Variants in FOXP1 observed in about 807,000 individuals in gnomAD.
FOXP1 encodes the protein forkhead box P1.
Under a neutral mutation model 98.2 loss-of-function variants are expected in FOXP1, and 15 were observed. That is an observed-to-expected ratio of 0.15 (90% CI 0.10 to 0.24). FOXP1 has a LOEUF of 0.24. Ranked by LOEUF, FOXP1 falls within the 10% of genes least tolerant of loss-of-function variation. The probability of loss-of-function intolerance (pLI) is 1.00; values close to 1 mark genes in which losing one functional copy is unlikely to be tolerated. For missense variants in FOXP1, 633 were observed against 848.5 expected (o/e 0.75, Z 3.15); for synonymous variants, 371 against 314.5 (o/e 1.18, Z -1.90).
At chr3:71,385,880 C>T (rs531085741) in intron 3 of FOXP1, among the ~76,000 whole-genome samples, 1 of 152,308 alleles carries the variant, frequency 6.6e-6, no homozygotes. Context: ...ATCCACATCT[C>T]CAGCCCTGAC....
intron 3 of FOXP1, among the ~76,000 whole-genome samples, chr3:71,411,708 G>A (rs976306874): frequency 2.6e-5 from 4 of 152,190 alleles, no homozygotes; most frequent in Admixed American, 1.3e-4. Flanking sequence ...CATCAAGAGC[G>A]GTCTCAGTTA....
At chr3:71,159,288 G>C (rs2061015479) in intron 6 of FOXP1, among the ~76,000 whole-genome samples, 1 of 152,044 alleles carries the variant, frequency 6.6e-6, no homozygotes, top group African/African-American at 2.4e-5. Flanking sequence ...TAAGAGGATG[G>C]AAAATGGAGC....
rs113877480 is a variant in FOXP1 at position 71,495,904 on chromosome 3, G to A, written c.-297-2349C>T. Among the ~76,000 whole-genome samples the A allele has an allele frequency of 8.2e-3, 1,245 of 152,280 alleles. 18 individuals are homozygous for A. Among genetic ancestry groups the A allele is most frequent in the African/African-American group, 0.028 (1,143 of 41,544 alleles). On this transcript the variant is annotated intron_variant, in intron 2 of 20. Coordinates refer to ENST00000649528, the MANE Select transcript of FOXP1 (RefSeq NM_001349338.3). ...CAGGTAATGCAAATGAGCGAGGAAG[G>A]CCAGGTGTAAGGTAACAGGGAGAGG...
intron 2 of FOXP1, among the ~76,000 whole-genome samples, chr3:71,547,196 T>C (rs2045429735): frequency 6.6e-6 from 1 of 152,222 alleles, no homozygotes; most frequent in Non-Finnish European, 1.5e-5. Flanking sequence ...AGCATTCTTC[T>C]TAGGTAGTTT....
rs567439574 is a variant in FOXP1 at position 71,084,968 on chromosome 3, CAAAT to C, written c.282+27564_282+27567del. Among the ~76,000 whole-genome samples the C allele has an allele frequency of 1.3e-3, 197 of 152,238 alleles. 3 individuals carry two copies. The East Asian group carries it at 0.036, about 28-fold the overall frequency. ...ATAGTTGCTTGAATAAATAAACAAA[CAAAT>C]CAATCAATCAATCATTGTTTAAATA... On this transcript the variant is annotated intron_variant, in intron 7 of 20. Transcript: ENST00000649528.
At chr3:71,220,335 G>A (rs918347556) in intron 5 of FOXP1, among the ~76,000 whole-genome samples, 2 of 152,224 alleles carry the variant, frequency 1.3e-5, no homozygotes, top group Non-Finnish European at 2.9e-5. Flanking sequence ...CCCAAGTGAC[G>A]CTTTTGTGAG....
intron 3 of FOXP1, among the ~76,000 whole-genome samples, chr3:71,440,576 CCTGAGGCAGAAGAATCGG>C (rs1001921013): frequency 2.0e-5 from 3 of 151,778 alleles, no homozygotes; most frequent in African/African-American, 7.3e-5. Context: ...TACTTGGGAG[CCTGAGGCAGAAGAATCGG>C]CTGAGGCAGA....
intron 3 of FOXP1, among the ~76,000 whole-genome samples, chr3:71,404,992 C>A (rs2082216844): frequency 6.6e-6 from 1 of 152,180 alleles, no homozygotes; most frequent in Non-Finnish European, 1.5e-5. Context: ...CAAAATGCCA[C>A]CCCCAGCCCA....
rs34693899 is a variant in FOXP1, at chr3:71,352,470, CAAAAAAAAAAA to C, written c.-73+6669_-73+6679del. ...TGGGCAACAGAGCGAGACTCCATCT[CAAAAAAAAAAA>C]AAAAAAAAAAAACACAACAGGCTAC... On this transcript the variant is annotated intron_variant, in intron 4 of 20. Coordinates refer to ENST00000649528, the MANE Select transcript of FOXP1 (RefSeq NM_001349338.3). Among the ~76,000 whole-genome samples, 333 of 67,120 alleles carry C rather than the reference CAAAAAAAAAAA, an allele frequency of 5.0e-3. 1 individual carries two copies. Among genetic ancestry groups the C allele is most frequent in the South Asian group, 0.048 (62 of 1,302 alleles). 44.0% of individuals were successfully genotyped at this position (67,120 alleles called of 152,430 possible).
At chr3:71,155,448 TAA>T (rs1463748430) in intron 6 of FOXP1, among the ~76,000 whole-genome samples, 1 of 152,232 alleles carries the variant, frequency 6.6e-6, no homozygotes, top group Non-Finnish European at 1.5e-5. Flanking sequence ...TTCAAAATAC[TAA>T]GTTTACTAAG....
chr3:70,967,681 T>C (rs1035050541), intron 19 of FOXP1, among the ~76,000 whole-genome samples: 1 of 146,050 alleles, frequency 6.8e-6, no homozygotes, highest in East Asian at 2.0e-4. Context: ...AGAACTACTA[T>C]TATTTGTTTT....
chr3:71,312,982 C>A (rs1442349277), intron 4 of FOXP1, among the ~76,000 whole-genome samples: 1 of 151,866 alleles, frequency 6.6e-6, no homozygotes, highest in Non-Finnish European at 1.5e-5. Context: ...CAGAGTGAAA[C>A]CCTGTCTCAA....
At position 71,189,298 on chromosome 3, in the gene FOXP1, G is replaced by A. The variant is rs1427060787; in HGVS notation, c.180+8904C>T. Reference sequence around the variant, plus strand: ...CTTCATAGTTTTGTTCTCTCAAAGAGATAAGCCCATTCCATGATCAATGGG... The same window carrying A: ...CTTCATAGTTTTGTTCTCTCAAAGAAATAAGCCCATTCCATGATCAATGGG... On this transcript the variant is annotated intron_variant, in intron 6 of 20. Coordinates refer to ENST00000649528, the MANE Select transcript of FOXP1 (RefSeq NM_001349338.3). Among the ~76,000 whole-genome samples, 3 of 152,154 alleles carry A rather than the reference G, an allele frequency of 2.0e-5. No homozygotes were observed. In the East Asian group the frequency reaches 5.8e-4, roughly 29 times the overall value.
At chr3:70,977,605 C>G in intron 16 of FOXP1, 38 bp downstream of exon 16, 1 of 1,502,244 alleles carries the variant, frequency 6.7e-7, no homozygotes, top group South Asian at 1.1e-5. Flanking sequence ...ACACATATAC[C>G]TTCTGACAGA....
intron 3 of FOXP1, among the ~76,000 whole-genome samples, chr3:71,393,221 G>A (rs935893654): frequency 1.4e-4 from 22 of 152,036 alleles, no homozygotes; most frequent in Admixed American, 5.9e-4. Context: ...AATCATAATA[G>A]GTCAGGTTTG....
intron 14 of FOXP1, among the ~76,000 whole-genome samples, chr3:70,983,447 G>A (rs950125453): frequency 6.6e-6 from 1 of 152,194 alleles, no homozygotes; most frequent in East Asian, 1.9e-4. Flanking sequence ...TTTCTTTTCG[G>A]GGGGGCACTT....
At chr3:71,063,709 A>G (rs1481720580) in intron 7 of FOXP1, among the ~76,000 whole-genome samples, 1 of 152,188 alleles carries the variant, frequency 6.6e-6, no homozygotes, top group African/African-American at 2.4e-5. Context: ...CACATGTGTC[A>G]CTTTTAGAAT....
At chr3:71,509,949 C>T (rs571055999) in intron 2 of FOXP1, among the ~76,000 whole-genome samples, 4 of 152,128 alleles carry the variant, frequency 2.6e-5, no homozygotes, top group South Asian at 2.1e-4. Context: ...GAGGCCAAGG[C>T]GAGCAGATCA....
intron 3 of FOXP1, among the ~76,000 whole-genome samples, chr3:71,448,200 T>C (rs535280063): frequency 1.2e-4 from 18 of 152,306 alleles, no homozygotes; most frequent in East Asian, 3.9e-4. Flanking sequence ...AGGAGATCTT[T>C]ATCCCCTGAC....
Sources: gnomAD v4.1 joint callset for allele counts (sites outside exome capture counted in the v4.1 genomes callset) on GRCh38, gnomAD v4.1.1 for gene constraint, MANE v1.5 for transcripts, NCBI Gene and HGNC (gene_info 2026-07-23, HGNC 2026-07-21) for gene names.